The following ABCC5 variants were observed in gnomAD, a reference collection of about 807,000 sequenced individuals.
The protein encoded by ABCC5 is ATP binding cassette subfamily C member 5, also known as ATP-binding cassette sub-family C member 5.
ABCC5 carries 61 observed loss-of-function variants against 160.9 expected under a neutral mutation model. That is an observed-to-expected ratio of 0.38 (90% CI 0.31 to 0.47). ABCC5 has a LOEUF of 0.47. Ranked by LOEUF, ABCC5 falls within the 20% of genes least tolerant of loss-of-function variation. The pLI, the probability that ABCC5 is intolerant of heterozygous loss-of-function variation, is 0.99. For synonymous variants in ABCC5, 666 were observed against 700.6 expected, an observed-to-expected ratio of 0.95 and a Z score of 0.78; for missense variants, 1,308 against 1,813.3, an observed-to-expected ratio of 0.72 and a Z score of 5.06.
intron 10 of ABCC5, among the ~76,000 whole-genome samples, chr3:183,976,127 G>A (rs1485143402): frequency 6.6e-6 from 1 of 151,856 alleles, no homozygotes; most frequent in East Asian, 1.9e-4. Flanking sequence ...ACGTTGGGGT[G>A]GGGGAGGGGC....
At chr3:183,947,279 A>T in intron 23 of ABCC5, 45 bp downstream of exon 23, 1 of 1,526,558 alleles carries the variant, frequency 6.6e-7, no homozygotes, top group South Asian at 1.3e-5. Flanking sequence ...CAGCAGAGGA[A>T]GGGCTCAAAC....
At chr3:183,970,249 G>A (rs1393406187) in intron 11 of ABCC5, among the ~76,000 whole-genome samples, 3 of 152,018 alleles carry the variant, frequency 2.0e-5, no homozygotes, top group Admixed American at 6.6e-5. Context: ...CACCACTTGC[G>A]GCCTCTGTGT....
At chr3:183,986,149 C>A (rs1023690894) in intron 5 of ABCC5, 1 of 152,196 alleles carries the variant, frequency 6.6e-6, no homozygotes, top group African/African-American at 2.4e-5. Context: ...CAAAACCAGC[C>A]TGGTTTTTCA....
At chr3:183,936,950 A>G (rs1338663095) in intron 26 of ABCC5, among the ~76,000 whole-genome samples, 1 of 152,258 alleles carries the variant, frequency 6.6e-6, no homozygotes, top group Non-Finnish European at 1.5e-5. Flanking sequence ...TAATAGGCCA[A>G]GAAGAAGGAT....
chr3:183,981,313 A>G (rs890171631), intron 8 of ABCC5, among the ~76,000 whole-genome samples: 4 of 152,148 alleles, frequency 2.6e-5, no homozygotes, highest in African/African-American at 9.7e-5. Flanking sequence ...AGTTTACCTC[A>G]AGGGCCACAA....
chr3:183,927,877 T>C (rs1396895392), intron 27 of ABCC5: 2 of 931,776 alleles, frequency 2.1e-6, no homozygotes, highest in Non-Finnish European at 2.6e-6. Flanking sequence ...AGAATCCCGA[T>C]AGAGCAGAGG....
intron 10 of ABCC5, among the ~76,000 whole-genome samples, chr3:183,976,962 A>C (rs1473773994): frequency 1.3e-5 from 2 of 152,206 alleles, no homozygotes; most frequent in Non-Finnish European, 2.9e-5. Flanking sequence ...CAGCCAAGGT[A>C]TGATCAACTA....
At chr3:183,972,082 T>G (rs1195475412) in intron 10 of ABCC5, 163 bp from the exon 11 acceptor site, 1 of 1,466,606 alleles carries the variant, frequency 6.8e-7, no homozygotes, top group Admixed American at 2.0e-5. Flanking sequence ...CTCAGGCCCA[T>G]CAAGGGGTCA....
At chr3:183,972,094 G>A (rs1049556542) in intron 10 of ABCC5, 175 bp from the exon 11 acceptor site, 6 of 1,321,750 alleles carry the variant, frequency 4.5e-6, no homozygotes, top group Middle Eastern at 1.9e-4. Context: ...AAGGGGTCAC[G>A]GGAGTGTGGG....
Position 183,942,402 on chromosome 3 carries a change from A to G in ABCC5, c.3694+325T>C, listed in dbSNP as rs902201740. On this transcript the variant is annotated intron_variant, in intron 25 of 29. Coordinates refer to ENST00000334444, the MANE Select transcript of ABCC5 (RefSeq NM_005688.4). ...TGACCTCATTTTTGTAAACCTACAT[A>G]TTACTAGAGGAAGCCTAACAAGATA... is the stretch of plus-strand genomic sequence containing the variant. 1.2e-5 allele frequency: 6 copies of G among 506,066 alleles called. No individual in the cohort carries two copies. The Admixed American group carries it at 1.4e-4, about 12-fold the overall frequency. 31.3% of individuals were successfully genotyped at this position (506,066 alleles called of 1,614,324 possible).
rs1716936101 is a variant in ABCC5, at chr3:183,963,265, A to G, written c.2235+120T>C. 2 of 1,116,436 alleles carry G rather than the reference A, an allele frequency of 1.8e-6. No homozygotes were observed. The highest frequency in any genetic ancestry group is 2.6e-6 in the Non-Finnish European group (2 of 756,848). The allele number at this position is 1,116,436 out of a possible 1,614,324, so 69.2% of individuals were successfully genotyped here. ...GGTACAGGGGGCTAATTTGCTAAGA[A>G]AATGAAACCTTGATTCCAGGAATTT... On this transcript the variant is annotated intron_variant, in intron 15 of 29. Coordinates refer to ENST00000334444, the MANE Select transcript of ABCC5 (RefSeq NM_005688.4). This position sits in a 1 kb window ranked among gnomAD's most constrained non-coding sequence, Gnocchi z 4.6.
In ABCC5 at chr3:184,014,233, A is replaced by C. The variant is rs754658454; in HGVS notation, c.129+31T>G. The C allele has an allele frequency of 3.8e-6, 6 of 1,589,382 alleles. No individual in the cohort carries two copies. In the African/African-American group the frequency reaches 4.1e-5, roughly 11 times the overall value. ...AAAGATGTGTTTTAGTACAACAAGC[A>C]GGTAAGAGACTCTTAGGAAAGGAAA... On this transcript the variant is annotated intron_variant, in intron 2 of 29. Transcript: ENST00000334444.
chr3:183,958,145 T>C (rs115663763), intron 17 of ABCC5, among the ~76,000 whole-genome samples: 1 of 152,220 alleles, frequency 6.6e-6, no homozygotes, highest in Admixed American at 6.5e-5. Flanking sequence ...CGTGTGTATA[T>C]CACATTGGTT....
Position 183,988,434 on chromosome 3 carries a change from A to C in ABCC5, c.443+138T>G. The C allele has an allele frequency of 3.0e-6, 3 of 1,006,104 alleles. No individual in the cohort carries two copies. Among genetic ancestry groups the C allele is most frequent in the Non-Finnish European group, 4.3e-6 (3 of 698,216 alleles). 62.3% of individuals were successfully genotyped at this position (1,006,104 alleles called of 1,614,324 possible). A position where few individuals can be genotyped will look rare whatever the true frequency, so the allele number is the denominator to read the frequency against. ...TAGGAGATAAAGCAAAAGAGCAAAG[A>C]GAAAGTCATCCCCAGGCCGCCCGCC... On this transcript the variant is annotated intron_variant, in intron 4 of 29. Transcript: ENST00000334444. The surrounding 1 kb of genome is among the most constrained non-coding windows in gnomAD (Gnocchi z 4.4).
intron 3 of ABCC5, 89 bp downstream of exon 3, chr3:183,989,137 G>A (rs1719499372): frequency 2.3e-5 from 30 of 1,282,806 alleles, no homozygotes; most frequent in South Asian, 1.1e-4. Context: ...TGCCACTGGC[G>A]ACAGAGCAAG....
In ABCC5 at chr3:183,987,811, C is replaced by T. The variant is rs1478717702; in HGVS notation, c.550G>A (p.Val184Met). Residue 184 changes from valine to methionine, a missense_variant, in exon 5 of 30, where the codon GTG (valine) becomes ATG (methionine). Physicochemically the swap from Val to Met is conservative, Grantham distance 21. Transcript: ENST00000334444. This position sits in a 1 kb window ranked among gnomAD's most constrained non-coding sequence, Gnocchi z 4.2. ...FCRTRLILSIVCLMITQLAGF... is the reference protein window; with the variant it reads ...FCRTRLILSIMCLMITQLAGF... ...GCCAGCTGCGTGATCATCAGGCACA[C>T]GATGGACAGGATGAGCCTGGTGCGG... 1.9e-6 allele frequency: 3 copies of T among 1,614,098 alleles called. No homozygotes were observed. The highest frequency in any genetic ancestry group is 2.2e-5 in the East Asian group (1 of 44,892).
intron 26 of ABCC5, among the ~76,000 whole-genome samples, chr3:183,934,335 G>A (rs1239151709): frequency 1.3e-5 from 2 of 152,138 alleles, no homozygotes; most frequent in Non-Finnish European, 2.9e-5. Flanking sequence ...TCTGGGATCC[G>A]TAACAAACCT....
At chr3:183,925,197 A>G (rs1577445569) in intron 29 of ABCC5, among the ~76,000 whole-genome samples, 1 of 152,338 alleles carries the variant, frequency 6.6e-6, no homozygotes, top group East Asian at 1.9e-4. Context: ...ACCAGGGATG[A>G]TAATTGTGTA....
At chr3:183,936,041 C>A (rs1713679902) in intron 26 of ABCC5, among the ~76,000 whole-genome samples, 1 of 152,114 alleles carries the variant, frequency 6.6e-6, no homozygotes, top group Non-Finnish European at 1.5e-5. Flanking sequence ...GAAACACTGA[C>A]CCCAATGTGA....
Sources: allele counts gnomAD v4.1 joint callset (sites outside exome capture counted in the v4.1 genomes callset), GRCh38; gene constraint gnomAD v4.1.1; non-coding constraint Gnocchi (gnomAD v3.1); transcripts MANE v1.5; gene names NCBI Gene and HGNC (gene_info 2026-07-23, HGNC 2026-07-21).